NECAB1: variants seen among roughly 807,000 people sequenced by gnomAD.
NECAB1 encodes N-terminal EF-hand calcium-binding protein 1.
In NECAB1, 29 loss-of-function variants were observed where a neutral mutation model predicts 57.5. That is an observed-to-expected ratio of 0.50 (90% CI 0.38 to 0.69). NECAB1 has a LOEUF of 0.69. Among genes scored for constraint, NECAB1 ranks in the 30% least tolerant of loss-of-function variants. The probability of loss-of-function intolerance (pLI) is 0.00; values close to 1 mark genes in which losing one functional copy is unlikely to be tolerated. For missense variants in NECAB1, 372 were observed against 413.8 expected (o/e 0.90, Z 0.88); for synonymous variants, 142 against 147.7 (o/e 0.96, Z 0.28).
rs141276937 is a variant in NECAB1 at position 90,922,986 on chromosome 8, G to A, written c.495-2549G>A. Among the ~76,000 whole-genome samples the A allele has an allele frequency of 9.2e-5, 14 of 152,302 alleles. No homozygotes were observed. In the East Asian group the frequency reaches 2.7e-3, roughly 29 times the overall value. On this transcript the variant is annotated intron_variant, in intron 6 of 12. Coordinates refer to ENST00000417640, the MANE Select transcript of NECAB1 (RefSeq NM_022351.5). ...GAGCCAAAGGGACAGAAACTTGGAA[G>A]GTGGAGAGAAGGTGAATCTAGTGGA...
At chr8:90,858,958 T>C (rs1481243538) in intron 3 of NECAB1, 4 of 146,148 alleles carry the variant, frequency 2.7e-5, no homozygotes, top group African/African-American at 1.1e-4. Flanking sequence ...CTCATGCCAG[T>C]CAATTGGGCT....
chr8:90,917,325 G>A (rs1441330429), intron 5 of NECAB1, among the ~76,000 whole-genome samples, 167 bp from the exon 6 acceptor site: 2 of 151,992 alleles, frequency 1.3e-5, no homozygotes, highest in Non-Finnish European at 2.9e-5. Context: ...GTGGGTGGAT[G>A]AGAGTGATGC....
At chr8:90,951,899 G>A in intron 12 of NECAB1, among the ~76,000 whole-genome samples, 1 of 152,154 alleles carries the variant, frequency 6.6e-6, no homozygotes, top group East Asian at 1.9e-4. Flanking sequence ...TAAAAGATGA[G>A]ATGTGGAAAA....
At chr8:90,862,835 T>C (rs1363671854) in intron 3 of NECAB1, among the ~76,000 whole-genome samples, 1 of 69,082 alleles carries the variant, frequency 1.4e-5, no homozygotes, top group Non-Finnish European at 2.5e-5. Context: ...CCAACTCACA[T>C]ACAAAGTTCA....
At chr8:90,822,350 T>C (rs955258216) in intron 2 of NECAB1, among the ~76,000 whole-genome samples, 1 of 151,928 alleles carries the variant, frequency 6.6e-6, no homozygotes, top group Non-Finnish European at 1.5e-5. Context: ...ACATTAAGGC[T>C]CTAGTCTACA....
At chr8:90,906,436 C>G (rs977666851) in intron 5 of NECAB1, among the ~76,000 whole-genome samples, 3 of 152,116 alleles carry the variant, frequency 2.0e-5, no homozygotes, top group Non-Finnish European at 4.4e-5. Flanking sequence ...CTTCAACCCC[C>G]TACCTTGACT....
chr8:90,852,925 C>T (rs976441409), intron 3 of NECAB1, among the ~76,000 whole-genome samples: 1 of 152,266 alleles, frequency 6.6e-6, no homozygotes, highest in Non-Finnish European at 1.5e-5. Context: ...GGCTATCACA[C>T]TGGCCCTTTG....
chr8:90,915,388 C>A (rs1809926421), intron 5 of NECAB1, among the ~76,000 whole-genome samples: 1 of 151,798 alleles, frequency 6.6e-6, no homozygotes, highest in Non-Finnish European at 1.5e-5. Context: ...CAATAAATAG[C>A]AAGCTATGAG....
At chr8:90,916,573 C>T (rs1047879977) in intron 5 of NECAB1, among the ~76,000 whole-genome samples, 13 of 152,074 alleles carry the variant, frequency 8.5e-5, no homozygotes, top group Non-Finnish European at 1.5e-5. Flanking sequence ...AAATCTTTTC[C>T]TTGGCTGAAC....
At chr8:90,878,293 C>A (rs1423182147) in intron 4 of NECAB1, among the ~76,000 whole-genome samples, 5 of 152,102 alleles carry the variant, frequency 3.3e-5, no homozygotes, top group Non-Finnish European at 7.4e-5. Context: ...CCTTTGTATT[C>A]CAAGCTCCTA....
chr8:90,887,905 T>C (rs1438748218), intron 5 of NECAB1, among the ~76,000 whole-genome samples: 3 of 152,188 alleles, frequency 2.0e-5, no homozygotes, highest in African/African-American at 7.2e-5. Flanking sequence ...TCAAGGGGAC[T>C]TAAAAAAAAT....
At chr8:90,864,757 C>T (rs1808477574) in intron 3 of NECAB1, among the ~76,000 whole-genome samples, 1 of 152,026 alleles carries the variant, frequency 6.6e-6, no homozygotes, top group Non-Finnish European at 1.5e-5. Flanking sequence ...GGGATTCTAC[C>T]ATGTAGTGGG....
chr8:90,794,036 A>G (rs1811619549), intron 1 of NECAB1, among the ~76,000 whole-genome samples: 1 of 152,234 alleles, frequency 6.6e-6, no homozygotes, highest in Non-Finnish European at 1.5e-5. Context: ...ATTTAAAAAT[A>G]AAAATAGGAA....
At chr8:90,803,152 C>T (rs891373244) in intron 2 of NECAB1, among the ~76,000 whole-genome samples, 28 of 152,316 alleles carry the variant, frequency 1.8e-4, no homozygotes, top group African/African-American at 6.5e-4. Flanking sequence ...CCTCTTCGGC[C>T]TCCCAAAGTG....
intron 5 of NECAB1, among the ~76,000 whole-genome samples, chr8:90,898,756 C>T (rs553067434): frequency 1.3e-5 from 2 of 152,278 alleles, no homozygotes; most frequent in South Asian, 4.1e-4. Flanking sequence ...AGTCTTTTAG[C>T]CCAACTGCAC....
chr8:90,897,760 C>T (rs752757851), intron 5 of NECAB1, among the ~76,000 whole-genome samples: 8 of 152,076 alleles, frequency 5.3e-5, no homozygotes, highest in Non-Finnish European at 1.2e-4. Flanking sequence ...AACTTATTAA[C>T]GTTTCAAAAA....
chr8:90,818,396 T>A (rs2129691023), intron 2 of NECAB1, among the ~76,000 whole-genome samples: 1 of 152,204 alleles, frequency 6.6e-6, no homozygotes, highest in African/African-American at 2.4e-5. Flanking sequence ...TTTTGGTTCT[T>A]TCTTCTTTTA....
At chr8:90,855,473 G>T (rs1036422163) in intron 3 of NECAB1, among the ~76,000 whole-genome samples, 1 of 152,120 alleles carries the variant, frequency 6.6e-6, no homozygotes, top group African/African-American at 2.4e-5. Context: ...GAGTCATTAT[G>T]GTCCAGAACA....
At chr8:90,857,633 A>G (rs1482589104) in intron 3 of NECAB1, among the ~76,000 whole-genome samples, 1 of 152,164 alleles carries the variant, frequency 6.6e-6, no homozygotes, top group Non-Finnish European at 1.5e-5. Context: ...AGAAAAAGAA[A>G]TCAAATTTAA....
Sources: allele counts gnomAD v4.1 joint callset (sites outside exome capture counted in the v4.1 genomes callset), GRCh38; gene constraint gnomAD v4.1.1; transcripts MANE v1.5; gene names NCBI Gene and HGNC (gene_info 2026-07-23, HGNC 2026-07-21).